The following CREB5 variants were observed in gnomAD, a reference collection of about 807,000 sequenced individuals.
CREB5 encodes cyclic AMP-responsive element-binding protein 5.
CREB5 carries 19 observed loss-of-function variants against 57.1 expected under a neutral mutation model. The observed-to-expected ratio is 0.33, with a 90% CI of 0.23 to 0.49. The LOEUF (loss-of-function observed/expected upper bound fraction) is 0.49. Ranked by LOEUF, CREB5 falls within the 20% of genes least tolerant of loss-of-function variation. The pLI, the probability that CREB5 is intolerant of heterozygous loss-of-function variation, is 0.99. For synonymous variants in CREB5, 238 were observed against 238.3 expected (o/e 1.00, Z 0.01); for missense variants, 579 against 671.6 (o/e 0.86, Z 1.52).
At chr7:28,508,005 T>A (rs932144961) in intron 4 of CREB5, among the ~76,000 whole-genome samples, 14 of 152,180 alleles carry the variant, frequency 9.2e-5, no homozygotes, top group Admixed American at 8.5e-4. Flanking sequence ...GCAAACCTTT[T>A]GTGAGCAGTG....
Position 28,796,541 on chromosome 7 carries a change from C to T in CREB5, c.703-7658C>T, listed in dbSNP as rs557353923. 1.5e-4 allele frequency among the ~76,000 whole-genome samples: 23 copies of T among 152,254 alleles called. No homozygotes were observed. The South Asian group carries it at 4.4e-3, about 29-fold the overall frequency. ...CACAGATTCTCATCTCATTATGTAC[C>T]CCCATTTCACAGAAGACGAATTTGA... On this transcript the variant is annotated intron_variant, in intron 7 of 10. Transcript: ENST00000357727.
At chr7:28,435,164 T>C (rs1004880561) in intron 1 of CREB5, among the ~76,000 whole-genome samples, 1 of 148,534 alleles carries the variant, frequency 6.7e-6, no homozygotes, top group South Asian at 2.2e-4. Flanking sequence ...AGTAACTGCA[T>C]GCCACCTCAG....
At chr7:28,814,044 A>G (rs1054095091) in intron 9 of CREB5, among the ~76,000 whole-genome samples, 4 of 152,248 alleles carry the variant, frequency 2.6e-5, no homozygotes, top group Admixed American at 6.5e-5. Flanking sequence ...AAGGTAATTC[A>G]GAGTAAGAAA....
At chr7:28,319,003 C>G (rs1275297545) in intron 1 of CREB5, among the ~76,000 whole-genome samples, 1 of 152,108 alleles carries the variant, frequency 6.6e-6, no homozygotes, top group Non-Finnish European at 1.5e-5. Context: ...AAAGGAAGCC[C>G]GCTTATCTGT....
chr7:28,702,406 A>G (rs1055207930), intron 5 of CREB5, among the ~76,000 whole-genome samples: 1 of 152,224 alleles, frequency 6.6e-6, no homozygotes, highest in Non-Finnish European at 1.5e-5. Context: ...TGTGCTTGTC[A>G]AGAGAAATAG....
chr7:28,657,450 G>A (rs1799374331), intron 5 of CREB5, among the ~76,000 whole-genome samples: 1 of 152,136 alleles, frequency 6.6e-6, no homozygotes, highest in Non-Finnish European at 1.5e-5. Flanking sequence ...TAAAATTGCA[G>A]CTGGACATTG....
rs1385826263 is a variant in CREB5, at chr7:28,657,707, ACT to A, written c.465-61038_465-61037del. Among the ~76,000 whole-genome samples, 104 of 118,904 alleles carry A rather than the reference ACT, an allele frequency of 8.7e-4. 1 individual carries two copies. Among genetic ancestry groups the A allele is most frequent in the African/African-American group, 2.2e-3 (64 of 28,616 alleles). The allele number at this position is 118,904 out of a possible 152,430, so 78.0% of individuals were successfully genotyped here. The stretch of plus-strand genomic sequence containing the variant: ...ACTCCAGCCTGGGTGACAGAGCAAG[ACT>A]CTCTCTCGAAAAAAAAAAAAAAAAA... On this transcript the variant is annotated intron_variant, in intron 5 of 10. Coordinates refer to ENST00000357727, the MANE Select transcript of CREB5 (RefSeq NM_182898.4).
At chr7:28,489,456 C>G (rs920108304) in intron 2 of CREB5, among the ~76,000 whole-genome samples, 1 of 151,956 alleles carries the variant, frequency 6.6e-6, no homozygotes. Context: ...CCCGCCACCA[C>G]GCCCGGGTAA....
chr7:28,489,927 G>A (rs1373733030), intron 2 of CREB5, among the ~76,000 whole-genome samples: 6 of 152,220 alleles, frequency 3.9e-5, no homozygotes, highest in African/African-American at 1.4e-4. Flanking sequence ...CATTGTGGAT[G>A]CAGAATGTCA....
intron 4 of CREB5, among the ~76,000 whole-genome samples, chr7:28,509,999 G>A (rs1251352445): frequency 1.3e-5 from 2 of 152,202 alleles, no homozygotes; most frequent in East Asian, 1.9e-4. Context: ...ATGGTTACAC[G>A]AGAGGGCATT....
At chr7:28,438,434 C>T (rs757803741) in intron 1 of CREB5, among the ~76,000 whole-genome samples, 18 of 151,976 alleles carry the variant, frequency 1.2e-4, no homozygotes, top group Non-Finnish European at 1.9e-4. Context: ...TAGGGCCTCT[C>T]GGTTTTTCCT....
intron 5 of CREB5, among the ~76,000 whole-genome samples, chr7:28,584,780 T>TAA (rs57520355): frequency 2.2e-4 from 32 of 145,616 alleles, no homozygotes; most frequent in Non-Finnish European, 2.9e-4. Context: ...GAATCGTGGT[T>TAA]AAAAAAAAAA....
At chr7:28,770,526 A>G (rs1018902986) in intron 7 of CREB5, among the ~76,000 whole-genome samples, 2 of 152,122 alleles carry the variant, frequency 1.3e-5, no homozygotes, top group African/African-American at 4.8e-5. Context: ...ATCATGATCC[A>G]TTTTTTATCT....
intron 5 of CREB5, among the ~76,000 whole-genome samples, chr7:28,698,619 G>C (rs1801692736): frequency 1.3e-5 from 2 of 152,138 alleles, no homozygotes; most frequent in Non-Finnish European, 2.9e-5. Flanking sequence ...TTTGGGGAAA[G>C]AAAATAAGTT....
At chr7:28,768,912 C>T (rs1019907978) in intron 7 of CREB5, among the ~76,000 whole-genome samples, 2 of 152,216 alleles carry the variant, frequency 1.3e-5, no homozygotes, top group African/African-American at 4.8e-5. Flanking sequence ...TCAGCCTCAG[C>T]CTCTCCTCAG....
At chr7:28,387,284 A>T (rs1046613280) in intron 1 of CREB5, among the ~76,000 whole-genome samples, 3 of 152,028 alleles carry the variant, frequency 2.0e-5, no homozygotes, top group African/African-American at 7.2e-5. Context: ...CTGGTGTGAG[A>T]TGGTATCTCA....
intron 7 of CREB5, among the ~76,000 whole-genome samples, chr7:28,797,342 T>C (rs1345463716): frequency 2.0e-5 from 3 of 152,228 alleles, no homozygotes; most frequent in East Asian, 1.9e-4. Context: ...GACTAGAGTA[T>C]TGATTTCTAA....
chr7:28,644,589 A>C lies in CREB5; in HGVS notation c.464+74052A>C, dbSNP rs115681745. ...GGAGTGGGGTGAAGGTCAAGGAATT[A>C]AAACATTATGTTTCAATTTGAAATT... On this transcript the variant is annotated intron_variant, in intron 5 of 10. Coordinates refer to ENST00000357727, the MANE Select transcript of CREB5 (RefSeq NM_182898.4). Among the ~76,000 whole-genome samples the C allele has an allele frequency of 2.6e-3, 400 of 152,244 alleles. 3 individuals are homozygous for C. Among genetic ancestry groups the C allele is most frequent in the African/African-American group, 9.1e-3 (378 of 41,520 alleles).
intron 7 of CREB5, among the ~76,000 whole-genome samples, chr7:28,787,137 A>G (rs1807377059): frequency 1.3e-5 from 2 of 152,154 alleles, no homozygotes; most frequent in Admixed American, 1.3e-4. Flanking sequence ...ACCTGTCCCC[A>G]GCTGAGAAGA....
Sources: gnomAD v4.1 joint callset for allele counts (sites outside exome capture counted in the v4.1 genomes callset) on GRCh38, gnomAD v4.1.1 for gene constraint, MANE v1.5 for transcripts, NCBI Gene and HGNC (gene_info 2026-07-23, HGNC 2026-07-21) for gene names.